CLMN: variants seen among roughly 807,000 people sequenced by gnomAD.
CLMN encodes calmin (calponin-like, transmembrane).
A neutral mutation model predicts 92.7 loss-of-function variants in CLMN; 57 were observed. The observed-to-expected ratio is 0.61, with a 90% CI of 0.50 to 0.77. CLMN has a LOEUF of 0.77. Ranked by LOEUF, CLMN falls within the 30% of genes least tolerant of loss-of-function variation. The probability of loss-of-function intolerance (pLI) is 0.00; values close to 1 mark genes in which losing one functional copy is unlikely to be tolerated. For synonymous variants in CLMN, 466 were observed against 470.6 expected, an observed-to-expected ratio of 0.99 and a Z score of 0.13; for missense variants, 1,158 against 1,237.5, an observed-to-expected ratio of 0.94 and a Z score of 0.96.
intron 1 of CLMN, among the ~76,000 whole-genome samples, chr14:95,257,230 G>A (rs769569868): frequency 2.0e-5 from 3 of 152,194 alleles, no homozygotes; most frequent in African/African-American, 4.8e-5. Context: ...ACTTTGCATC[G>A]AAACAACGGT....
In CLMN at chr14:95,194,075, C is replaced by T; in HGVS notation, c.2770-156G>A. 1 of 1,451,804 alleles carries T rather than the reference C, an allele frequency of 6.9e-7. No homozygotes were observed. The highest frequency in any genetic ancestry group is 9.0e-7 in the Non-Finnish European group (1 of 1,108,806). The allele number at this position is 1,451,804 out of a possible 1,614,324, so 89.9% of individuals were successfully genotyped here. A position where few individuals can be genotyped will look rare whatever the true frequency, so the allele number is the denominator to read the frequency against. ...CTAGATCCAAAATCAAAGTGCTAAA[C>T]AATATACATTCCTCTACCTCCTCCC... On this transcript the variant is annotated intron_variant, in intron 11 of 12. Transcript: ENST00000298912. The surrounding 1 kb of genome is among the most constrained non-coding windows in gnomAD (Gnocchi z 4.0).
rs113457971 is a variant in CLMN at position 95,291,750 on chromosome 14, G to T, written c.82+27961C>A. On this transcript the variant is annotated intron_variant, in intron 1 of 12. Coordinates refer to ENST00000298912, the MANE Select transcript of CLMN (RefSeq NM_024734.4). ...AATGGGGACAAGAATGAACGTGCAA[G>T]GAGGTTCAGCAGGAGGTACCAAAAA... is the stretch of plus-strand genomic sequence containing the variant. Among the ~76,000 whole-genome samples, 535 of 152,310 alleles carry T rather than the reference G, an allele frequency of 3.5e-3. 5 individuals are homozygous for T. Among genetic ancestry groups the T allele is most frequent in the Admixed American group, 6.1e-3 (93 of 15,302 alleles).
intron 8 of CLMN, 75 bp downstream of exon 8, chr14:95,209,320 C>T (rs1000610150): frequency 4.3e-6 from 6 of 1,381,416 alleles, no homozygotes; most frequent in African/African-American, 1.4e-5. Flanking sequence ...ACGCTGCCCA[C>T]GTCCCTGCTT....
At chr14:95,228,826 C>A (rs1897793026) in intron 2 of CLMN, among the ~76,000 whole-genome samples, 1 of 152,196 alleles carries the variant, frequency 6.6e-6, no homozygotes, top group African/African-American at 2.4e-5. Context: ...GGGCATGAGC[C>A]ACCACGCCCA....
At chr14:95,245,287 T>A (rs1343717872) in intron 1 of CLMN, among the ~76,000 whole-genome samples, 2 of 74,770 alleles carry the variant, frequency 2.7e-5, no homozygotes, top group African/African-American at 7.3e-5. Context: ...TATATAGTTT[T>A]GTTTTGTTTT....
rs1896492631 is a variant in CLMN, at chr14:95,188,647, C to T, written c.*2917G>A. 3 of 151,908 alleles carry T rather than the reference C, an allele frequency of 2.0e-5. No homozygotes were observed. Among genetic ancestry groups the T allele is most frequent in the Admixed American group, 2.0e-4 (3 of 15,252 alleles). The allele number at this position is 151,908 out of a possible 1,614,324, so 9.4% of individuals were successfully genotyped here. ...ATTTAAGAAATTTCCCATGAAGGCC[C>T]AGCACAAGGTTTAACACCCGGGATA... On this transcript the variant is annotated 3_prime_UTR_variant, in exon 13 of 13. Coordinates refer to ENST00000298912, the MANE Select transcript of CLMN (RefSeq NM_024734.4).
At chr14:95,223,879 T>G (rs771678225) in intron 2 of CLMN, 24 bp from the exon 3 acceptor site, 1 of 1,506,698 alleles carries the variant, frequency 6.6e-7, no homozygotes, top group Non-Finnish European at 9.2e-7. Flanking sequence ...GGGAAGAAAG[T>G]AGCCAATTAG....
In CLMN at chr14:95,302,426, C is replaced by T. The variant is rs572016184; in HGVS notation, c.82+17285G>A. On this transcript the variant is annotated intron_variant, in intron 1 of 12. Coordinates refer to ENST00000298912, the MANE Select transcript of CLMN (RefSeq NM_024734.4). ...ACTGAAATATAACATGAGCCACACACAAAATGTTACATTTTCCAGTAGCCC... is the reference window on the plus strand; with the variant it reads ...ACTGAAATATAACATGAGCCACACATAAAATGTTACATTTTCCAGTAGCCC... 8.7e-4 allele frequency among the ~76,000 whole-genome samples: 133 copies of T among 152,190 alleles called. 1 individual carries two copies. In the South Asian group the frequency reaches 0.012, roughly 14 times the overall value.
Position 95,203,864 on chromosome 14 carries a change from C to CA in CLMN, c.1484dup (p.Leu495PhefsTer8), listed in dbSNP as rs1468470234. On this transcript the variant is annotated frameshift_variant, in exon 9 of 13. Coordinates refer to ENST00000298912, the MANE Select transcript of CLMN (RefSeq NM_024734.4). LOFTEE classifies it high-confidence loss of function. ...GAGAATTATTGTTTGTGCCCTCCAC[C>CA]AAAAAAATGTCACCAGCGACCTTGT... The CA allele has an allele frequency of 1.2e-6, 2 of 1,613,904 alleles. No individual in the cohort carries two copies. Among genetic ancestry groups the CA allele is most frequent in the Non-Finnish European group, 1.7e-6 (2 of 1,179,972 alleles).
intron 4 of CLMN, 80 bp downstream of exon 4, chr14:95,221,611 C>T (rs1031764848): frequency 1.5e-5 from 19 of 1,243,926 alleles, no homozygotes; most frequent in East Asian, 2.3e-5. Flanking sequence ...GCTTCTCTTG[C>T]GACCAGCACT....
rs933026435 is a variant in CLMN, at chr14:95,215,643, G to A, written c.415C>T (p.Gln139Ter). 1.2e-6 allele frequency: 2 copies of A among 1,612,476 alleles called. No individual in the cohort carries two copies. Among genetic ancestry groups the A allele is most frequent in the African/African-American group, 1.3e-5 (1 of 74,896 alleles). ...GLIWNIILFF[Q>*]IKELTGNLSR... ...TTTTGGAAAAGAAATGATCTTACCT[G>A]GAAGAAGAGGATTATGTTCCATATC... The change falls in exon 5 of 13, where the codon CAG becomes TAG. Residue 139 changes from glutamine to a stop codon, truncating the protein, a stop_gained and splice_region_variant. Transcript: ENST00000298912. LOFTEE classifies it high-confidence loss of function.
At chr14:95,229,910 C>T (rs1897829450) in intron 2 of CLMN, among the ~76,000 whole-genome samples, 162 bp downstream of exon 2, 1 of 152,102 alleles carries the variant, frequency 6.6e-6, no homozygotes, top group South Asian at 2.1e-4. Context: ...CATCTCTTCC[C>T]AATCCTGAGC....
chr14:95,210,146 G>A (rs936514095), intron 7 of CLMN, among the ~76,000 whole-genome samples: 6 of 151,990 alleles, frequency 3.9e-5, no homozygotes, highest in South Asian at 2.1e-4. Context: ...TCCACCTCCC[G>A]GACTCAAGTG....
intron 2 of CLMN, among the ~76,000 whole-genome samples, chr14:95,227,236 G>C (rs1363499138): frequency 6.6e-6 from 1 of 152,162 alleles, no homozygotes; most frequent in African/African-American, 2.4e-5. Flanking sequence ...ATGGAGGAAG[G>C]TGGCATTTCC....
rs138831842 is a variant in CLMN, at chr14:95,230,064, G to T, written c.144+8C>A. On this transcript the variant is annotated splice_region_variant and intron_variant, in intron 2 of 12. Transcript: ENST00000298912. Reference sequence around the variant, plus strand: ...TATCACTTAGCAAACACCCAAGTGCGCCATTACCTTTTCTAGATGTAGATT... The same window carrying T: ...TATCACTTAGCAAACACCCAAGTGCTCCATTACCTTTTCTAGATGTAGATT... 3.7e-6 allele frequency: 6 copies of T among 1,613,540 alleles called. No homozygotes were observed. In the East Asian group the frequency reaches 1.3e-4, roughly 36 times the overall value.
intron 1 of CLMN, among the ~76,000 whole-genome samples, chr14:95,287,846 T>C (rs1286126092): frequency 1.3e-5 from 2 of 152,192 alleles, no homozygotes; most frequent in Admixed American, 6.5e-5. Context: ...GAGAGGCTCC[T>C]AGCCAGCTAT....
chr14:95,297,154 C>T (rs1900840059), intron 1 of CLMN, among the ~76,000 whole-genome samples: 1 of 152,128 alleles, frequency 6.6e-6, no homozygotes, highest in Non-Finnish European at 1.5e-5. Flanking sequence ...ACAAAGTAAG[C>T]CTATGCCTGG....
At chr14:95,314,437 C>T (rs376285552) in intron 1 of CLMN, among the ~76,000 whole-genome samples, 10 of 152,074 alleles carry the variant, frequency 6.6e-5, no homozygotes, top group African/African-American at 2.4e-4. Context: ...TCATGCATGC[C>T]GGGCTGGAAG....
At position 95,256,904 on chromosome 14, in the gene CLMN, G is replaced by C. The variant is rs1040517913; in HGVS notation, c.83-26771C>G. Among the ~76,000 whole-genome samples, 8 of 152,296 alleles carry C rather than the reference G, an allele frequency of 5.3e-5. No homozygotes were observed. Among genetic ancestry groups the C allele is most frequent in the African/African-American group, 1.9e-4 (8 of 41,552 alleles). On this transcript the variant is annotated intron_variant, in intron 1 of 12. Coordinates refer to ENST00000298912, the MANE Select transcript of CLMN (RefSeq NM_024734.4). This position sits in a 1 kb window ranked among gnomAD's most constrained non-coding sequence, Gnocchi z 4.9. ...ATGCGGTGTTAGCAGATAGGGAAAAGGAGAGGGCATTCTCCATGTTGGGAA... is the reference window on the plus strand; with the variant it reads ...ATGCGGTGTTAGCAGATAGGGAAAACGAGAGGGCATTCTCCATGTTGGGAA...
Sources: allele counts gnomAD v4.1 joint callset (sites outside exome capture counted in the v4.1 genomes callset), GRCh38; gene constraint gnomAD v4.1.1; non-coding constraint Gnocchi (gnomAD v3.1); transcripts MANE v1.5; gene names NCBI Gene and HGNC (gene_info 2026-07-23, HGNC 2026-07-21).